The following UVRAG variants were observed in gnomAD, a reference collection of about 807,000 sequenced individuals.
The protein encoded by UVRAG is UV radiation resistance-associated gene protein.
A neutral mutation model predicts 78.0 loss-of-function variants in UVRAG; 19 were observed. The observed-to-expected ratio is 0.24, with a 90% confidence interval of 0.17 to 0.36. The LOEUF (loss-of-function observed/expected upper bound fraction) is 0.36, where lower values mean the gene tolerates loss of function less well. UVRAG is among the 10% of genes least tolerant of loss of function. The pLI, the probability that UVRAG is intolerant of heterozygous loss-of-function variation, is 1.00. For missense variants in UVRAG, 740 were observed against 853.8 expected, an observed-to-expected ratio of 0.87 and a Z score of 1.66; for synonymous variants, 323 against 324.6, an observed-to-expected ratio of 1.00 and a Z score of 0.05.
rs759030935 is a variant in UVRAG at position 76,141,090 on chromosome 11, C to A, written c.1777C>A (p.Arg593=). The A allele has an allele frequency of 6.2e-7, 1 of 1,614,038 alleles. No individual in the cohort carries two copies. The highest frequency in any genetic ancestry group is 8.5e-7 in the Non-Finnish European group (1 of 1,180,050). ...ACAAGGAGAAGCCCTCTCCGGGCAC[C>A]GGGCCACAGTCAATGGCACTCTCCT... ...QEQGEALSGH[R]ATVNGTLLPS... is the part of the protein sequence containing the mutation. The change falls in exon 15 of 15, where the codon CGG becomes AGG. Residue 593 remains arginine, a synonymous_variant. Transcript: ENST00000356136.
chr11:75,937,123 A>C (rs910269759), intron 6 of UVRAG, among the ~76,000 whole-genome samples: 2 of 152,216 alleles, frequency 1.3e-5, no homozygotes, highest in African/African-American at 2.4e-5. Context: ...TAATCCCAGC[A>C]CTTTGGAAGG....
At chr11:75,991,909 T>C (rs1949614521) in intron 8 of UVRAG, among the ~76,000 whole-genome samples, 2 of 152,140 alleles carry the variant, frequency 1.3e-5, no homozygotes, top group Admixed American at 1.3e-4. Context: ...TATGAGCTTG[T>C]ATTTATATTT....
At chr11:75,987,778 C>T (rs1367032601) in intron 8 of UVRAG, among the ~76,000 whole-genome samples, 5 of 151,652 alleles carry the variant, frequency 3.3e-5, no homozygotes, top group Non-Finnish European at 1.5e-5. Flanking sequence ...CTCTTGTCTC[C>T]CAGACTGGAG....
At chr11:76,003,293 A>T (rs1949858202) in intron 8 of UVRAG, among the ~76,000 whole-genome samples, 1 of 113,006 alleles carries the variant, frequency 8.8e-6, no homozygotes. Flanking sequence ...TTTTTTGGAG[A>T]CAGAGTCTCG....
intron 12 of UVRAG, among the ~76,000 whole-genome samples, chr11:76,061,244 T>C (rs1479986981): frequency 6.6e-6 from 1 of 152,170 alleles, no homozygotes; most frequent in Non-Finnish European, 1.5e-5. Context: ...CTAGCTCATC[T>C]AGTGGGGAGG....
At chr11:75,947,553 A>G (rs1948609487) in intron 6 of UVRAG, among the ~76,000 whole-genome samples, 2 of 152,326 alleles carry the variant, frequency 1.3e-5, no homozygotes. Context: ...GCTTGGACAC[A>G]TATATTTGGA....
At chr11:76,030,060 A>G (rs1415370688) in intron 12 of UVRAG, among the ~76,000 whole-genome samples, 1 of 152,176 alleles carries the variant, frequency 6.6e-6, no homozygotes, top group Non-Finnish European at 1.5e-5. Context: ...TTTAAACTAT[A>G]TATTTTGTAT....
intron 8 of UVRAG, among the ~76,000 whole-genome samples, chr11:75,999,382 G>A (rs970641709): frequency 3.3e-5 from 5 of 150,598 alleles, no homozygotes; most frequent in Non-Finnish European, 7.4e-5. Flanking sequence ...TTTTTTGTTT[G>A]TTTATTTGTT....
At chr11:76,035,832 C>G (rs886496176) in intron 12 of UVRAG, among the ~76,000 whole-genome samples, 6 of 152,270 alleles carry the variant, frequency 3.9e-5, no homozygotes, top group African/African-American at 1.4e-4. Flanking sequence ...AGCTTATTAT[C>G]TAGTTTCAGA....
At chr11:75,908,367 T>A (rs942298807) in intron 5 of UVRAG, among the ~76,000 whole-genome samples, 3 of 152,244 alleles carry the variant, frequency 2.0e-5, no homozygotes, top group African/African-American at 7.2e-5. Flanking sequence ...TTGTAAATAA[T>A]GCTGCTATGA....
chr11:75,822,199 C>T (rs910125861), intron 1 of UVRAG, among the ~76,000 whole-genome samples: 4 of 152,122 alleles, frequency 2.6e-5, no homozygotes, highest in African/African-American at 9.7e-5. Context: ...CCACCTTGGC[C>T]TCCCAAAGTG....
intron 6 of UVRAG, chr11:75,934,900 T>A (rs1936009778): frequency 6.6e-6 from 1 of 152,106 alleles, no homozygotes; most frequent in Admixed American, 6.6e-5. Flanking sequence ...CCCTAAGAAA[T>A]GTCATATGGG....
intron 4 of UVRAG, among the ~76,000 whole-genome samples, chr11:75,888,475 A>G (rs1947143040): frequency 6.6e-6 from 1 of 152,160 alleles, no homozygotes; most frequent in Non-Finnish European, 1.5e-5. Flanking sequence ...ATACTTTTAG[A>G]ATTAATAAAT....
At chr11:76,083,690 CA>C (rs896266790) in intron 13 of UVRAG, among the ~76,000 whole-genome samples, 1 of 152,080 alleles carries the variant, frequency 6.6e-6, no homozygotes, top group Non-Finnish European at 1.5e-5. Context: ...ATAACCAAGC[CA>C]AAAAATTTTT....
At chr11:76,079,117 T>A (rs1951453507) in intron 13 of UVRAG, among the ~76,000 whole-genome samples, 1 of 152,222 alleles carries the variant, frequency 6.6e-6, no homozygotes. Flanking sequence ...ACCACTCTTA[T>A]AATTTAGTCT....
At chr11:75,959,374 C>CGGAG (rs1396544061) in intron 6 of UVRAG, among the ~76,000 whole-genome samples, 1 of 152,222 alleles carries the variant, frequency 6.6e-6, no homozygotes, top group African/African-American at 2.4e-5. Flanking sequence ...GCAGCTTCTC[C>CGGAG]ATTAGCACTT....
At chr11:75,989,259 T>C (rs1206689871) in intron 8 of UVRAG, among the ~76,000 whole-genome samples, 1 of 152,062 alleles carries the variant, frequency 6.6e-6, no homozygotes, top group Non-Finnish European at 1.5e-5. Context: ...TTCACCATGT[T>C]GTCCAGCCCG....
intron 3 of UVRAG, among the ~76,000 whole-genome samples, chr11:75,876,831 GTTTTTTT>G (rs368114316): frequency 6.0e-5 from 9 of 148,950 alleles, no homozygotes; most frequent in African/African-American, 2.0e-4. Context: ...AAGCCCTTAT[GTTTTTTT>G]TTTATTTTTT....
intron 6 of UVRAG, among the ~76,000 whole-genome samples, chr11:75,932,777 T>A (rs548268002): frequency 2.6e-5 from 4 of 152,302 alleles, no homozygotes; most frequent in African/African-American, 9.6e-5. Flanking sequence ...CAAATAAAGT[T>A]AAATATCTAG....
Sources: gnomAD v4.1 joint callset for allele counts (sites outside exome capture counted in the v4.1 genomes callset) on GRCh38, gnomAD v4.1.1 for gene constraint, MANE v1.5 for transcripts, NCBI Gene and HGNC (gene_info 2026-07-23, HGNC 2026-07-21) for gene names.